GNG7: variants seen among roughly 807,000 people sequenced by gnomAD.
GNG7 encodes the protein guanine nucleotide-binding protein G(I)/G(S)/G(O) subunit gamma-7.
In GNG7, 1 loss-of-function variant was observed where a neutral mutation model predicts 4.0. The ratio of observed to expected loss-of-function variants is 0.25; its 90% CI spans 0.09 to 1.18. The LOEUF (loss-of-function observed/expected upper bound fraction) is 1.18. GNG7 is among the 50% of genes most tolerant of loss of function. The pLI, the probability that GNG7 is intolerant of heterozygous loss-of-function variation, is 0.50. For missense variants in GNG7, 86 were observed against 91.9 expected (o/e 0.94, Z 0.26); for synonymous variants, 34 against 36.9 (o/e 0.92, Z 0.29).
chr19:2,556,478 T>G (rs1034716029), intron 2 of GNG7, among the ~76,000 whole-genome samples: 7 of 152,166 alleles, frequency 4.6e-5, no homozygotes, highest in Non-Finnish European at 7.4e-5. Context: ...GTCACAAACA[T>G]TTGCTATTTC....
intron 2 of GNG7, among the ~76,000 whole-genome samples, chr19:2,567,118 A>G (rs1291653339): frequency 2.2e-5 from 1 of 44,652 alleles, no homozygotes; most frequent in Non-Finnish European, 3.9e-5. Flanking sequence ...TCTCAAAAAA[A>G]AAAACAAAAA....
At chr19:2,562,932 A>G (rs1297023717) in intron 2 of GNG7, among the ~76,000 whole-genome samples, 2 of 134,892 alleles carry the variant, frequency 1.5e-5, no homozygotes, top group African/African-American at 5.4e-5. Flanking sequence ...GACAGATTCA[A>G]TCTTTTTCTT....
intron 1 of GNG7, among the ~76,000 whole-genome samples, chr19:2,696,300 A>AAGAAAG (rs1028269289): frequency 1.1e-4 from 11 of 102,186 alleles, no homozygotes; most frequent in African/African-American, 3.5e-4. Flanking sequence ...GAGAGAAAGA[A>AAGAAAG]AGAAAGAAAG....
chr19:2,589,372 T>A (rs1980770502), intron 2 of GNG7, among the ~76,000 whole-genome samples: 1 of 10,192 alleles, frequency 9.8e-5, no homozygotes, highest in Non-Finnish European at 3.1e-4. Context: ...ACAGGTGCAC[T>A]TTTTTTTTTT....
chr19:2,643,560 G>C, intron 2 of GNG7: 4 of 379,890 alleles, frequency 1.1e-5, no homozygotes, highest in Non-Finnish European at 1.5e-5. Context: ...TGCAAAGTCC[G>C]AGACCTCTCC....
intron 1 of GNG7, among the ~76,000 whole-genome samples, chr19:2,682,743 C>T (rs1372716148): frequency 6.6e-6 from 1 of 151,574 alleles, no homozygotes; most frequent in Non-Finnish European, 1.5e-5. Context: ...GGTGAAGTCT[C>T]CCACTCCACG....
At chr19:2,520,867 C>A in intron 3 of GNG7, 142 bp from the exon 4 acceptor site, 1 of 574,746 alleles carries the variant, frequency 1.7e-6, no homozygotes, top group East Asian at 2.9e-5. Context: ...CCTCCGTGTA[C>A]AAAGAGCTGG....
chr19:2,576,725 T>C (rs1377544501), intron 2 of GNG7, among the ~76,000 whole-genome samples: 1 of 151,010 alleles, frequency 6.6e-6, no homozygotes, highest in African/African-American at 2.4e-5. Context: ...TTTTAAAACT[T>C]TTTTTTACAG....
At chr19:2,555,297 C>G (rs1979509452) in intron 2 of GNG7, 109 bp from the exon 3 acceptor site, 1 of 152,148 alleles carries the variant, frequency 6.6e-6, no homozygotes, top group Admixed American at 6.6e-5. Flanking sequence ...GTTGCTGTCC[C>G]CAAAAATGAG....
chr19:2,634,009 G>A lies in GNG7; in HGVS notation c.-78+12215C>T, dbSNP rs895482390. Among the ~76,000 whole-genome samples, 10 of 152,128 alleles carry A rather than the reference G, an allele frequency of 6.6e-5. No individual in the cohort carries two copies. Among genetic ancestry groups the A allele is most frequent in the Admixed American group, 1.3e-4 (2 of 15,274 alleles). On this transcript the variant is annotated intron_variant, in intron 2 of 4. Coordinates refer to ENST00000382159, the MANE Select transcript of GNG7 (RefSeq NM_052847.3). This position sits in a 1 kb window ranked among gnomAD's most constrained non-coding sequence, Gnocchi z 5.3. Reference sequence around the variant, plus strand: ...ATTCCACGGACCCCCAAGAGACTCCGCGTCCCATGATCCTCTGCCCTGCTG... The same window carrying A: ...ATTCCACGGACCCCCAAGAGACTCCACGTCCCATGATCCTCTGCCCTGCTG...
chr19:2,578,885 T>A (rs1032606269), intron 2 of GNG7, among the ~76,000 whole-genome samples: 1 of 152,200 alleles, frequency 6.6e-6, no homozygotes, highest in Admixed American at 6.5e-5. Context: ...CTCAAACCCC[T>A]GGCTCCCGGC....
chr19:2,643,808 C>T, intron 2 of GNG7: 1 of 369,094 alleles, frequency 2.7e-6, no homozygotes, highest in South Asian at 2.0e-5. Flanking sequence ...ATGCAACCAT[C>T]AGCATAATCT....
rs1156818099 is a variant in GNG7 at position 2,513,371 on chromosome 19, G to A, written c.*1651C>T. The A allele has an allele frequency of 2.4e-5, 11 of 466,410 alleles. No individual in the cohort carries two copies. In the Admixed American group the frequency reaches 5.1e-4, roughly 22 times the overall value. 28.9% of individuals were successfully genotyped at this position (466,410 alleles called of 1,614,324 possible). Reference sequence around the variant, plus strand: ...CTAGGCCAGCCCCGTGGAGGGGGTCGGGGCGGCCAGGCCTCCTGCGATCAG... The same window carrying A: ...CTAGGCCAGCCCCGTGGAGGGGGTCAGGGCGGCCAGGCCTCCTGCGATCAG... On this transcript the variant is annotated 3_prime_UTR_variant, in exon 5 of 5. Transcript: ENST00000382159.
chr19:2,591,144 C>T (rs1257940614), intron 2 of GNG7, among the ~76,000 whole-genome samples: 1 of 152,194 alleles, frequency 6.6e-6, no homozygotes, highest in South Asian at 2.1e-4. Context: ...CTCAGCACCT[C>T]ACAGAGAACA....
chr19:2,642,852 G>A, intron 2 of GNG7: 1 of 456,768 alleles, frequency 2.2e-6, no homozygotes, highest in Non-Finnish European at 4.4e-6. Flanking sequence ...GGAAGCACCG[G>A]GAATGCATAG....
At chr19:2,518,059 C>T (rs935667362) in intron 4 of GNG7, among the ~76,000 whole-genome samples, 1 of 152,204 alleles carries the variant, frequency 6.6e-6, no homozygotes, top group East Asian at 1.9e-4. Context: ...CTCCAGACCC[C>T]GAAAATAGCT....
intron 2 of GNG7, among the ~76,000 whole-genome samples, chr19:2,594,405 G>GGGAA (rs36015482): frequency 0.11 from 14,463 of 136,680 alleles, 1,038 homozygotes; most frequent in East Asian, 0.28. Context: ...GAAAGAAGGA[G>GGGAA]GGAAGGAAGG....
intron 1 of GNG7, among the ~76,000 whole-genome samples, chr19:2,656,994 A>G (rs1459947927): frequency 6.6e-6 from 1 of 151,968 alleles, no homozygotes; most frequent in Non-Finnish European, 1.5e-5. Context: ...AGGCCTTAAA[A>G]CATGAAACAG....
intron 1 of GNG7, among the ~76,000 whole-genome samples, chr19:2,692,657 A>G (rs1242818960): frequency 2.7e-5 from 4 of 148,392 alleles, no homozygotes; most frequent in Non-Finnish European, 4.5e-5. Context: ...AAAGAAGGCC[A>G]GGGGCAGCAG....
Sources: allele counts gnomAD v4.1 joint callset (sites outside exome capture counted in the v4.1 genomes callset), GRCh38; gene constraint gnomAD v4.1.1; non-coding constraint Gnocchi (gnomAD v3.1); transcripts MANE v1.5; gene names NCBI Gene and HGNC (gene_info 2026-07-23, HGNC 2026-07-21).